Variants in SPAG16 observed in about 807,000 individuals in gnomAD.
The protein encoded by SPAG16 is sperm associated antigen 16, also known as sperm-associated antigen 16 protein.
A neutral mutation model predicts 80.4 loss-of-function variants in SPAG16; 86 were observed. That is an observed-to-expected ratio of 1.07 (90% CI 0.90 to 1.28). The LOEUF (loss-of-function observed/expected upper bound fraction) is 1.28. Among genes scored for constraint, SPAG16 ranks in the 50% most tolerant of loss-of-function variants. The pLI is 0.00. For synonymous variants in SPAG16, 294 were observed against 265.9 expected (o/e 1.11, Z -1.03); for missense variants, 870 against 765.3 (o/e 1.14, Z -1.61).
chr2:213,736,163 C>T (rs917181628), intron 10 of SPAG16, among the ~76,000 whole-genome samples: 6 of 152,076 alleles, frequency 3.9e-5, no homozygotes, highest in Non-Finnish European at 5.9e-5. Context: ...TTCTGTTTTC[C>T]ATGATAACTC....
chr2:213,494,728 T>A (rs1382825517), intron 10 of SPAG16, among the ~76,000 whole-genome samples: 1 of 152,150 alleles, frequency 6.6e-6, no homozygotes, highest in East Asian at 1.9e-4. Context: ...GTTGAAAAAA[T>A]AAAACCCAAA....
intron 15 of SPAG16, among the ~76,000 whole-genome samples, chr2:214,335,604 C>T (rs555392677): frequency 7.9e-5 from 12 of 152,028 alleles, no homozygotes; most frequent in Non-Finnish European, 1.8e-4. Flanking sequence ...CTATATATTT[C>T]TAACAGTCTT....
chr2:214,047,914 G>C (rs2049424470), intron 13 of SPAG16, among the ~76,000 whole-genome samples: 1 of 152,102 alleles, frequency 6.6e-6, no homozygotes, highest in Non-Finnish European at 1.5e-5. Flanking sequence ...GAGACATACA[G>C]ATGGCAAACA....
rs59978989 is a variant in SPAG16 at position 214,224,856 on chromosome 2, G to C, written c.1720+75590G>C. On this transcript the variant is annotated intron_variant, in intron 15 of 15. Coordinates refer to ENST00000331683, the MANE Select transcript of SPAG16 (RefSeq NM_024532.5). ...CAAGAAACAGAGTAGAACTGTCCCT[G>C]ACCTCATAGGGCTTATCTTCTAGTG... Among the ~76,000 whole-genome samples, 19 of 152,244 alleles carry C rather than the reference G, an allele frequency of 1.2e-4. No homozygotes were observed. The East Asian group carries it at 3.7e-3, about 29-fold the overall frequency.
intron 11 of SPAG16, among the ~76,000 whole-genome samples, chr2:213,926,209 T>A (rs1357191788): frequency 1.3e-5 from 2 of 152,198 alleles, no homozygotes; most frequent in African/African-American, 2.4e-5. Flanking sequence ...ATAGTTGGGA[T>A]AATTTTTTCA....
chr2:213,970,524 G>T (rs765258997), intron 12 of SPAG16, among the ~76,000 whole-genome samples: 4 of 151,974 alleles, frequency 2.6e-5, no homozygotes, highest in Non-Finnish European at 5.9e-5. Flanking sequence ...CTGGCCTCGA[G>T]CTCCTGAACA....
At chr2:213,572,953 T>TATA (rs1559266832) in intron 10 of SPAG16, among the ~76,000 whole-genome samples, 1 of 152,210 alleles carries the variant, frequency 6.6e-6, no homozygotes. Flanking sequence ...CGCCGCTTTT[T>TATA]AAGCCGGTCT....
rs73988563 is a variant in SPAG16, at chr2:213,606,322, A to G, written c.1070+116232A>G. ...AAGTGGGGACATGTTCAGGCATATTATATATTACAAAACCATTTTCCAAAA... is the reference window on the plus strand; with the variant it reads ...AAGTGGGGACATGTTCAGGCATATTGTATATTACAAAACCATTTTCCAAAA... On this transcript the variant is annotated intron_variant, in intron 10 of 15. Coordinates refer to ENST00000331683, the MANE Select transcript of SPAG16 (RefSeq NM_024532.5). 7.6e-3 allele frequency among the ~76,000 whole-genome samples: 1,160 copies of G among 152,310 alleles called. 25 individuals are homozygous for G. Among genetic ancestry groups the G allele is most frequent in the African/African-American group, 0.027 (1,116 of 41,560 alleles).
At chr2:214,030,612 A>G (rs1015577043) in intron 13 of SPAG16, among the ~76,000 whole-genome samples, 2 of 152,216 alleles carry the variant, frequency 1.3e-5, no homozygotes, top group African/African-American at 4.8e-5. Flanking sequence ...TGGTAATAAC[A>G]TGTCTTTCAA....
intron 12 of SPAG16, among the ~76,000 whole-genome samples, chr2:213,984,620 T>G (rs941021063): frequency 5.9e-5 from 9 of 152,120 alleles, no homozygotes; most frequent in African/African-American, 1.9e-4. Flanking sequence ...GCTTCAGTCA[T>G]GCTTTATGGG....
chr2:213,600,923 G>A (rs903671390), intron 10 of SPAG16, among the ~76,000 whole-genome samples: 38 of 152,266 alleles, frequency 2.5e-4, no homozygotes, highest in African/African-American at 8.2e-4. Flanking sequence ...AAATTTATTA[G>A]CGTGCAGGGA....
chr2:213,297,315 A>G lies in SPAG16; in HGVS notation c.237A>G (p.Ala79=). 1 of 1,613,084 alleles carries G rather than the reference A, an allele frequency of 6.2e-7. No individual in the cohort carries two copies. The highest frequency in any genetic ancestry group is 1.3e-5 in the African/African-American group (1 of 75,006). ...IPEGEEDLAK[A]IQMAQEQATD... is the part of the protein sequence containing the mutation. ...AAGGTGAAGAAGATCTGGCAAAAGCAATTCAGATGGCCCAAGAACAGGCTA... is the reference window on the plus strand; with the variant it reads ...AAGGTGAAGAAGATCTGGCAAAAGCGATTCAGATGGCCCAAGAACAGGCTA... Residue 79 remains alanine, a synonymous_variant, in exon 3 of 16, where the codon GCA becomes GCG. Coordinates refer to ENST00000331683, the MANE Select transcript of SPAG16 (RefSeq NM_024532.5).
intron 10 of SPAG16, among the ~76,000 whole-genome samples, chr2:213,544,425 A>G (rs953913481): frequency 6.6e-6 from 1 of 152,046 alleles, no homozygotes; most frequent in Non-Finnish European, 1.5e-5. Flanking sequence ...GATTTTTCAT[A>G]TATCCCATAC....
intron 15 of SPAG16, among the ~76,000 whole-genome samples, chr2:214,396,943 G>C (rs888599768): frequency 1.3e-5 from 2 of 151,148 alleles, no homozygotes; most frequent in Non-Finnish European, 2.9e-5. Flanking sequence ...AAAAATACTG[G>C]GATTTACTAG....
intron 6 of SPAG16, among the ~76,000 whole-genome samples, chr2:213,349,324 T>C (rs2065195885): frequency 1.3e-5 from 2 of 152,014 alleles, no homozygotes; most frequent in African/African-American, 4.8e-5. Flanking sequence ...AAATAAGAGC[T>C]GAAATCAATA....
At chr2:213,647,322 C>T (rs1246187514) in intron 10 of SPAG16, among the ~76,000 whole-genome samples, 3 of 152,136 alleles carry the variant, frequency 2.0e-5, no homozygotes, top group African/African-American at 4.8e-5. Flanking sequence ...AGGGTTGGAA[C>T]CAAAAATTGC....
chr2:213,694,114 G>A (rs1470256872), intron 10 of SPAG16, among the ~76,000 whole-genome samples: 3 of 152,010 alleles, frequency 2.0e-5, no homozygotes, highest in Admixed American at 6.6e-5. Flanking sequence ...CATGTAGATT[G>A]AACTTGGTCC....
chr2:214,201,544 A>T (rs7579598), intron 15 of SPAG16, among the ~76,000 whole-genome samples: 19,030 of 152,210 alleles, frequency 0.13, 2,244 homozygotes, highest in African/African-American at 0.28. Context: ...GGATGTTAAA[A>T]GTTCCTACAA....
At chr2:213,877,290 A>G (rs2076176451) in intron 11 of SPAG16, among the ~76,000 whole-genome samples, 1 of 152,074 alleles carries the variant, frequency 6.6e-6, no homozygotes, top group Non-Finnish European at 1.5e-5. Flanking sequence ...CTTTATCAGA[A>G]TTATGATACA....
Sources: gnomAD v4.1 joint callset for allele counts (sites outside exome capture counted in the v4.1 genomes callset) on GRCh38, gnomAD v4.1.1 for gene constraint, MANE v1.5 for transcripts, NCBI Gene and HGNC (gene_info 2026-07-23, HGNC 2026-07-21) for gene names.